The following SCN3A variants were observed in gnomAD, a reference collection of about 807,000 sequenced individuals.
SCN3A encodes the protein sodium voltage-gated channel alpha subunit 3.
Under a neutral mutation model 187.6 loss-of-function variants are expected in SCN3A, and 60 were observed. That is an observed-to-expected ratio of 0.32 (90% CI 0.26 to 0.40). The LOEUF (loss-of-function observed/expected upper bound fraction) is 0.40, where lower values mean the gene tolerates loss of function less well. Among genes scored for constraint, SCN3A ranks in the 10% least tolerant of loss-of-function variants. SCN3A has a pLI of 1.00. For missense variants in SCN3A, 1,601 were observed against 2,428.2 expected, an observed-to-expected ratio of 0.66 and a Z score of 7.16; for synonymous variants, 788 against 829.2, an observed-to-expected ratio of 0.95 and a Z score of 0.85.
intron 1 of SCN3A, among the ~76,000 whole-genome samples, chr2:165,200,088 T>A (rs1298467625): frequency 1.3e-5 from 2 of 152,086 alleles, no homozygotes; most frequent in East Asian, 3.9e-4. Flanking sequence ...GGATTTGCCA[T>A]GAAAGTTGTT....
intron 15 of SCN3A, among the ~76,000 whole-genome samples, chr2:165,134,535 A>T (rs1687551563): frequency 6.6e-6 from 1 of 152,172 alleles, no homozygotes; most frequent in South Asian, 2.1e-4. Flanking sequence ...ATCACAGAAA[A>T]AAACAGCCTA....
At chr2:165,151,738 G>C (rs1688696111) in intron 11 of SCN3A, among the ~76,000 whole-genome samples, 1 of 152,098 alleles carries the variant, frequency 6.6e-6, no homozygotes, top group African/African-American at 2.4e-5. Flanking sequence ...GAGTTGAGCA[G>C]AGAGAGAACT....
At chr2:165,115,663 AT>A (rs1238513679) in intron 18 of SCN3A, 88 bp from the exon 19 acceptor site, 2 of 1,175,550 alleles carry the variant, frequency 1.7e-6, no homozygotes, top group Non-Finnish European at 2.6e-6. Flanking sequence ...TGAAAAAAAA[AT>A]AGTAGTGATA....
chr2:165,115,840 G>C (rs905827052), intron 18 of SCN3A, among the ~76,000 whole-genome samples: 2 of 152,216 alleles, frequency 1.3e-5, no homozygotes, highest in South Asian at 4.2e-4. Context: ...TGATTAACTT[G>C]TTTAATGATC....
chr2:165,117,802 A>C (rs1278650776), intron 18 of SCN3A, among the ~76,000 whole-genome samples: 4 of 152,128 alleles, frequency 2.6e-5, no homozygotes, highest in Non-Finnish European at 5.9e-5. Flanking sequence ...AATAATAAAA[A>C]AGTAATTATA....
Position 165,186,615 on chromosome 2 carries a change from A to G in SCN3A, c.-115T>C, listed in dbSNP as rs1307097147. ...GTCCCTTCTGTGAATTATCTCATTT[A>G]TTCTTACAATATCCCTAGAAGAGAT... On this transcript the variant is annotated 5_prime_UTR_variant, in exon 2 of 28. Coordinates refer to ENST00000283254, the MANE Select transcript of SCN3A (RefSeq NM_006922.4). 6.6e-6 allele frequency: 1 copy of G among 152,130 alleles called. No homozygotes were observed. Among genetic ancestry groups the G allele is most frequent in the Non-Finnish European group, 1.5e-5 (1 of 68,020 alleles). The allele number at this position is 152,130 out of a possible 1,614,324, so 9.4% of individuals were successfully genotyped here.
chr2:165,164,290 A>G lies in SCN3A; in HGVS notation c.602+102T>C, dbSNP rs936229147. On this transcript the variant is annotated intron_variant, in intron 6 of 27. Coordinates refer to ENST00000283254, the MANE Select transcript of SCN3A (RefSeq NM_006922.4). ...ATACACAATCCATATAGTTAACTTG[A>G]CTAACAAGAAAGCTCTACATTTAAT... is the stretch of plus-strand genomic sequence containing the variant. The G allele has an allele frequency of 2.1e-6, 3 of 1,456,866 alleles. No individual in the cohort carries two copies. The East Asian group carries it at 6.9e-5, about 34-fold the overall frequency. 90.2% of individuals were successfully genotyped at this position (1,456,866 alleles called of 1,614,324 possible). A position where few individuals can be genotyped will look rare whatever the true frequency, so the allele number is the denominator to read the frequency against.
chr2:165,113,697 C>T (rs887272280), intron 20 of SCN3A, 119 bp downstream of exon 20: 2 of 1,125,698 alleles, frequency 1.8e-6, no homozygotes, highest in Non-Finnish European at 2.7e-6. Context: ...GTGCCAAGCT[C>T]TGCAAGACAC....
At position 165,148,522 on chromosome 2, in the gene SCN3A, A is replaced by G. The variant is rs960952025; in HGVS notation, c.1381-1493T>C. ...AACTTCATGTTTAAAAATTTAAAAAAGATTTTAAATCTAAAATTACTATGC... is the reference window on the plus strand; with the variant it reads ...AACTTCATGTTTAAAAATTTAAAAAGGATTTTAAATCTAAAATTACTATGC... On this transcript the variant is annotated intron_variant, in intron 11 of 27. Transcript: ENST00000283254. Among the ~76,000 whole-genome samples the G allele has an allele frequency of 4.6e-5, 7 of 152,240 alleles. No individual in the cohort carries two copies. In the East Asian group the frequency reaches 9.6e-4, roughly 21 times the overall value.
At chr2:165,161,101 TTTC>T (rs1012886213) in intron 9 of SCN3A, among the ~76,000 whole-genome samples, 3 of 151,636 alleles carry the variant, frequency 2.0e-5, no homozygotes, top group African/African-American at 7.3e-5. Flanking sequence ...TTTTTCTTTT[TTTC>T]TTCTTCTTTT....
At chr2:165,101,061 G>A (rs1243852146) in intron 21 of SCN3A, among the ~76,000 whole-genome samples, 1 of 152,144 alleles carries the variant, frequency 6.6e-6, no homozygotes, top group Non-Finnish European at 1.5e-5. Context: ...CAGAGAGATG[G>A]TACAGCTTCC....
chr2:165,115,477 T>C lies in SCN3A; in HGVS notation c.3492A>G (p.Lys1164=), dbSNP rs756574952. 6.2e-7 allele frequency: 1 copy of C among 1,613,906 alleles called. No individual in the cohort carries two copies. Among genetic ancestry groups the C allele is most frequent in the Non-Finnish European group, 8.5e-7 (1 of 1,179,942 alleles). ...TACCTTCAGTAAAACAAGCTTCCGG[T>C]TTAAGGTCTTCTTCGGGTTCAGTTT... The part of the protein sequence containing the change: ...QAETEPEEDL[K]PEACFTEGCI... The change falls in exon 19 of 28, where the codon AAA becomes AAG. Residue 1164 remains lysine (K), a synonymous_variant. Coordinates refer to ENST00000283254, the MANE Select transcript of SCN3A (RefSeq NM_006922.4).
intron 22 of SCN3A, among the ~76,000 whole-genome samples, chr2:165,099,722 A>G (rs1685518259): frequency 6.6e-6 from 1 of 152,162 alleles, no homozygotes; most frequent in South Asian, 2.1e-4. Flanking sequence ...GTCTAAAAAC[A>G]AACAAACAAA....
intron 1 of SCN3A, among the ~76,000 whole-genome samples, chr2:165,188,736 C>T (rs184983347): frequency 7.0e-6 from 1 of 142,274 alleles, no homozygotes; most frequent in Non-Finnish European, 1.5e-5. Context: ...GCAGAGGTTG[C>T]AGTGAGCTGA....
intron 15 of SCN3A, among the ~76,000 whole-genome samples, chr2:165,133,008 G>A (rs1384551267): frequency 6.6e-6 from 1 of 152,164 alleles, no homozygotes; most frequent in Non-Finnish European, 1.5e-5. Flanking sequence ...AGACATTTAT[G>A]CAGCCAAAAA....
Position 165,130,734 on chromosome 2 carries a change from A to G in SCN3A, c.2566-438T>C, listed in dbSNP as rs1687263818. On this transcript the variant is annotated intron_variant, in intron 16 of 27. Coordinates refer to ENST00000283254, the MANE Select transcript of SCN3A (RefSeq NM_006922.4). ...ATAATGTGATAAAAATGTACAGGAA[A>G]AAAATTGAAAAAATACACATTTTGC... 2.0e-5 allele frequency among the ~76,000 whole-genome samples: 3 copies of G among 152,154 alleles called. No individual in the cohort carries two copies. In the South Asian group the frequency reaches 6.2e-4, roughly 31 times the overall value.
At position 165,115,655 on chromosome 2, in the gene SCN3A, A is replaced by G. The variant is rs545463934; in HGVS notation, c.3394-80T>C. 5.9e-5 allele frequency: 73 copies of G among 1,238,886 alleles called. No individual in the cohort carries two copies. In the South Asian group the frequency reaches 8.4e-4, roughly 14 times the overall value. 76.7% of individuals were successfully genotyped at this position (1,238,886 alleles called of 1,614,324 possible). ...CTGGGAAATACTGTGTCATTGTGTG[A>G]AAAAAAAATAGTAGTGATAGCATTT... On this transcript the variant is annotated intron_variant, in intron 18 of 27. Transcript: ENST00000283254.
rs759889282 is a variant in SCN3A at position 165,138,004 on chromosome 2, T to G, written c.2266A>C (p.Ile756Leu). The G allele has an allele frequency of 6.2e-7, 1 of 1,613,538 alleles. No individual in the cohort carries two copies. The highest frequency in any genetic ancestry group is 1.7e-5 in the Admixed American group (1 of 59,970). ...WLKVKHLVNL[I>L]VMDPFVDLAI... ...AGATCAACAAATGGATCCATAACAA[T>G]TAAATTCACAAGATGTTTTACTTTT... The change falls in exon 15 of 28, where the codon ATT becomes CTT. Residue 756 changes from isoleucine (I) to leucine (L), a missense_variant. By Grantham distance (5) the Ile-to-Leu change is conservative (BLOSUM62 2). Around this residue, in one of 11 missense-constraint regions of SCN3A, gnomAD observed 376 missense variants for 476.0 expected, o/e 0.79. Coordinates refer to ENST00000283254, the MANE Select transcript of SCN3A (RefSeq NM_006922.4).
intron 7 of SCN3A, among the ~76,000 whole-genome samples, chr2:165,163,293 T>G (rs1206672605): frequency 6.6e-6 from 1 of 152,148 alleles, no homozygotes; most frequent in African/African-American, 2.4e-5. Flanking sequence ...GATCCATTTT[T>G]GAACTACATC....
Sources: allele counts gnomAD v4.1 joint callset (sites outside exome capture counted in the v4.1 genomes callset), GRCh38; gene constraint gnomAD v4.1.1; regional missense constraint gnomAD v4.1.1; transcripts MANE v1.5; gene names NCBI Gene and HGNC (gene_info 2026-07-23, HGNC 2026-07-21).